The following CHERP variants were observed in gnomAD, a reference collection of about 807,000 sequenced individuals.
The protein encoded by CHERP is calcium homeostasis endoplasmic reticulum protein.
Under a neutral mutation model 113.8 loss-of-function variants are expected in CHERP, and 8 were observed. That is an observed-to-expected ratio of 0.07 (90% CI 0.04 to 0.13). CHERP has a LOEUF of 0.13. CHERP is among the 10% of genes least tolerant of loss of function. The pLI is 1.00. For missense variants in CHERP, 884 were observed against 1,298.2 expected (o/e 0.68, Z 4.90); for synonymous variants, 559 against 524.5 (o/e 1.07, Z -0.90).
chr19:16,525,607 T>C lies in CHERP; in HGVS notation c.1376A>G (p.His459Arg). 1 of 1,535,414 alleles carries C rather than the reference T, an allele frequency of 6.5e-7. No individual in the cohort carries two copies. The highest frequency in any genetic ancestry group is 8.7e-7 in the Non-Finnish European group (1 of 1,143,576). The change falls in exon 10 of 17, where the codon CAT (histidine) becomes CGT (arginine). Residue 459 changes from histidine to arginine, a missense_variant. Physicochemically the swap from His to Arg is conservative, Grantham distance 29. Transcript: ENST00000546361. The surrounding 1 kb of genome is among the most constrained non-coding windows in gnomAD (Gnocchi z 6.5). Reference protein sequence around the residue: ...PPHCPPWNNSHEGMWGEQRGD... With the variant: ...PPHCPPWNNSREGMWGEQRGD... ...GCGCTGCTCGCCCCACATGCCCTCA[T>C]GGCTGTTGTTCCAGGGGGGGCAGTG... is the stretch of plus-strand genomic sequence containing the variant.
Position 16,520,366 on chromosome 19 carries a change from A to G in CHERP, c.2343T>C (p.Ser781=), listed in dbSNP as rs2085599706. Residue 781 remains serine (S), a splice_region_variant and synonymous_variant, in exon 14 of 17, where the codon TCT becomes TCC. Coordinates refer to ENST00000546361, the MANE Select transcript of CHERP (RefSeq NM_006387.6). This position sits in a 1 kb window ranked among gnomAD's most constrained non-coding sequence, Gnocchi z 4.0. The part of the protein sequence containing the change: ...SCSRSYSRSR[S]RSRSRSRSSR... ...GCCCTGAGGCAGCCTCTGCCTACCTAGATCTGGAGCGGGAGTAGGAACGGG... is the reference window on the plus strand; with the variant it reads ...GCCCTGAGGCAGCCTCTGCCTACCTGGATCTGGAGCGGGAGTAGGAACGGG... 2 of 1,612,276 alleles carry G rather than the reference A, an allele frequency of 1.2e-6. No homozygotes were observed. The highest frequency in any genetic ancestry group is 1.7e-6 in the Non-Finnish European group (2 of 1,178,780).
In CHERP at chr19:16,525,959, G is replaced by A. The variant is rs1309016814; in HGVS notation, c.1306-282C>T. ...GGCGCGCTGCACCCGCACACAGGCC[G>A]CCCGCGCCACAAGGTGCTCCCCGCT... On this transcript the variant is annotated intron_variant, in intron 9 of 16. Coordinates refer to ENST00000546361, the MANE Select transcript of CHERP (RefSeq NM_006387.6). This position sits in a 1 kb window ranked among gnomAD's most constrained non-coding sequence, Gnocchi z 6.5. 6.6e-6 allele frequency among the ~76,000 whole-genome samples: 1 copy of A among 152,206 alleles called. No individual in the cohort carries two copies. The highest frequency in any genetic ancestry group is 2.4e-5 in the African/African-American group (1 of 41,456).
Position 16,532,706 on chromosome 19 carries a change from T to C in CHERP, c.566A>G (p.His189Arg), listed in dbSNP as rs746801493. 2.5e-6 allele frequency: 4 copies of C among 1,613,402 alleles called. No individual in the cohort carries two copies. The highest frequency in any genetic ancestry group is 4.5e-5 in the East Asian group (2 of 44,842). Residue 189 changes from histidine to arginine, a missense_variant, in exon 5 of 17, where the codon CAC becomes CGC. His to Arg is a conservative substitution (Grantham distance 29, BLOSUM62 0). Coordinates refer to ENST00000546361, the MANE Select transcript of CHERP (RefSeq NM_006387.6). This position sits in a 1 kb window ranked among gnomAD's most constrained non-coding sequence, Gnocchi z 4.4. Reference sequence around the variant, plus strand: ...GAGGTGGCCGGCCATCAGCTCACAGTGCGGCGGGGACTTGGCATTGCTGAA... The same window carrying C: ...GAGGTGGCCGGCCATCAGCTCACAGCGCGGCGGGGACTTGGCATTGCTGAA... Reference protein sequence around the residue: ...WMFSNAKSPPHCELMAGHLRN... With the variant: ...WMFSNAKSPPRCELMAGHLRN...
chr19:16,532,394 G>A lies in CHERP; in HGVS notation c.674+204C>T. On this transcript the variant is annotated intron_variant, in intron 5 of 16. Transcript: ENST00000546361. This position sits in a 1 kb window ranked among gnomAD's most constrained non-coding sequence, Gnocchi z 4.4. ...GGGAGAGGACAGGGCATGCAGCGAA[G>A]GTGCACAGGACACCTAGACCTCGCA... is the stretch of plus-strand genomic sequence containing the variant. The A allele has an allele frequency of 3.3e-6, 2 of 600,810 alleles. No homozygotes were observed. The allele number at this position is 600,810 out of a possible 1,614,324, so 37.2% of individuals were successfully genotyped here.
In CHERP at chr19:16,537,655, C is replaced by T. The variant is rs182901797; in HGVS notation, c.200-2019G>A. On this transcript the variant is annotated intron_variant, in intron 2 of 16. Transcript: ENST00000546361. The stretch of plus-strand genomic sequence containing the variant: ...AGCCACATAGTGTCAAGGCGGCCTC[C>T]GAGACATCACTCCAATCAGTCTATG... 3.9e-3 allele frequency among the ~76,000 whole-genome samples: 590 copies of T among 152,220 alleles called. 1 individual carries two copies. Among genetic ancestry groups the T allele is most frequent in the Middle Eastern group, 0.017 (5 of 294 alleles).
Position 16,532,915 on chromosome 19 carries a change from C to G in CHERP, c.522+96G>C, listed in dbSNP as rs762559663. The G allele has an allele frequency of 4.5e-5, 68 of 1,513,442 alleles. No individual in the cohort carries two copies. The highest frequency in any genetic ancestry group is 3.7e-4 in the Admixed American group (18 of 48,808). 93.8% of individuals were successfully genotyped at this position (1,513,442 alleles called of 1,614,324 possible). A position where few individuals can be genotyped will look rare whatever the true frequency, so the allele number is the denominator to read the frequency against. On this transcript the variant is annotated intron_variant, in intron 4 of 16. Coordinates refer to ENST00000546361, the MANE Select transcript of CHERP (RefSeq NM_006387.6). The surrounding 1 kb of genome is among the most constrained non-coding windows in gnomAD (Gnocchi z 4.4). ...GCTCCAGGCGGGAGGGAAGGGCACC[C>G]ATTGTAACAGCCCTTAGCCCAGATT...
At chr19:16,526,798 C>CT (rs1284110681) in intron 9 of CHERP, among the ~76,000 whole-genome samples, 1 of 152,186 alleles carries the variant, frequency 6.6e-6, no homozygotes, top group Non-Finnish European at 1.5e-5. Flanking sequence ...AGGTCTCACT[C>CT]TGTCACCCAG....
chr19:16,525,747 CGGCAGCATCACAGCGCTG>C lies in CHERP; in HGVS notation c.1306-88_1306-71del. Reference sequence around the variant, plus strand: ...TAGTGCTCGGCAGCATCACAGCGCTCGGCAGCATCACAGCGCTGGCTCAGACCATGGAGGCGCTGCCCT... The same window carrying C: ...TAGTGCTCGGCAGCATCACAGCGCTCGCTCAGACCATGGAGGCGCTGCCCT... On this transcript the variant is annotated intron_variant, in intron 9 of 16. Transcript: ENST00000546361. The surrounding 1 kb of genome is among the most constrained non-coding windows in gnomAD (Gnocchi z 6.5). 7.4e-7 allele frequency: 1 copy of C among 1,348,112 alleles called. No homozygotes were observed. Among genetic ancestry groups the C allele is most frequent in the Non-Finnish European group, 9.8e-7 (1 of 1,024,814 alleles). The allele number at this position is 1,348,112 out of a possible 1,614,324, so 83.5% of individuals were successfully genotyped here.
intron 11 of CHERP, 73 bp from the exon 12 acceptor site, chr19:16,521,727 G>A (rs2085617356): frequency 4.2e-6 from 6 of 1,429,818 alleles, no homozygotes; most frequent in Non-Finnish European, 5.6e-6. Flanking sequence ...TCTGCAAGGA[G>A]TGGGGTCAGG....
rs772446499 is a variant in CHERP at position 16,532,978 on chromosome 19, A to G, written c.522+33T>C. 1.9e-6 allele frequency: 3 copies of G among 1,557,356 alleles called. No homozygotes were observed. In the South Asian group the frequency reaches 3.5e-5, roughly 18 times the overall value. On this transcript the variant is annotated intron_variant, in intron 4 of 16. Transcript: ENST00000546361. The surrounding 1 kb of genome is among the most constrained non-coding windows in gnomAD (Gnocchi z 4.4). Reference sequence around the variant, plus strand: ...CCCTGCCTCAGGGAGGGACCAAGGGAAAGCTGGGCTCTGGGAAGTGCTGGC... The same window carrying G: ...CCCTGCCTCAGGGAGGGACCAAGGGGAAGCTGGGCTCTGGGAAGTGCTGGC...
Position 16,525,782 on chromosome 19 carries a change from CGCT to C in CHERP, c.1306-108_1306-106del. 1 of 1,143,664 alleles carries C rather than the reference CGCT, an allele frequency of 8.7e-7. No individual in the cohort carries two copies. The highest frequency in any genetic ancestry group is 1.2e-6 in the Non-Finnish European group (1 of 851,778). 70.8% of individuals were successfully genotyped at this position (1,143,664 alleles called of 1,614,324 possible). A position where few individuals can be genotyped will look rare whatever the true frequency, so the allele number is the denominator to read the frequency against. On this transcript the variant is annotated intron_variant, in intron 9 of 16. Transcript: ENST00000546361. This position sits in a 1 kb window ranked among gnomAD's most constrained non-coding sequence, Gnocchi z 6.5. ...ACAGCGCTGGCTCAGACCATGGAGG[CGCT>C]GCCCTGGCCACGTTGAGGCGCCTCC... is the stretch of plus-strand genomic sequence containing the variant.
rs2085600350 is a variant in CHERP, at chr19:16,520,403, G to A, written c.2306C>T (p.Ser769Leu). ...GGAGTAGGAACGGGAGCAGGAGCGC[G>A]ACCTTGACCTTGAGTACGAGCCTGA... ...KSSGSYSRSR[S>L]RSCSRSYSRS... The change falls in exon 14 of 17, where the codon TCG becomes TTG. Residue 769 changes from serine to leucine, a missense_variant. By Grantham distance (145) the Ser-to-Leu change is moderately radical. Transcript: ENST00000546361. The surrounding 1 kb of genome is among the most constrained non-coding windows in gnomAD (Gnocchi z 4.0). The A allele has an allele frequency of 6.2e-7, 1 of 1,614,008 alleles. No homozygotes were observed. Among genetic ancestry groups the A allele is most frequent in the Non-Finnish European group, 8.5e-7 (1 of 1,180,032 alleles).
chr19:16,520,653 T>A lies in CHERP; in HGVS notation c.2202-146A>T. On this transcript the variant is annotated intron_variant, in intron 13 of 16. Transcript: ENST00000546361. This position sits in a 1 kb window ranked among gnomAD's most constrained non-coding sequence, Gnocchi z 4.0. Reference sequence around the variant, plus strand: ...AGCCACAGCAACGGTACCAAGTTCCTAAATAGTGTGGCCGAGCCTGCTGCT... The same window carrying A: ...AGCCACAGCAACGGTACCAAGTTCCAAAATAGTGTGGCCGAGCCTGCTGCT... 8.5e-7 allele frequency: 1 copy of A among 1,176,726 alleles called. No homozygotes were observed. The highest frequency in any genetic ancestry group is 1.4e-5 in the South Asian group (1 of 72,918). 72.9% of individuals were successfully genotyped at this position (1,176,726 alleles called of 1,614,324 possible).
In CHERP at chr19:16,523,258, G is replaced by A. The variant is rs775106668; in HGVS notation, c.1774C>T (p.Arg592Cys). 7 of 1,602,632 alleles carry A rather than the reference G, an allele frequency of 4.4e-6. No homozygotes were observed. The highest frequency in any genetic ancestry group is 1.7e-5 in the Admixed American group (1 of 57,866). The change falls in exon 11 of 17, where the codon CGC (arginine) becomes TGC (cysteine). Residue 592 changes from arginine (R) to cysteine (C), a missense_variant. Around this residue, in one of 8 missense-constraint regions of CHERP, gnomAD observed 464 missense variants for 590.1 expected, o/e 0.79. Coordinates refer to ENST00000546361, the MANE Select transcript of CHERP (RefSeq NM_006387.6). The surrounding 1 kb of genome is among the most constrained non-coding windows in gnomAD (Gnocchi z 4.0). The stretch of plus-strand genomic sequence containing the variant: ...TCGTTGATGCCAGGATGAGGCATGC[G>A]GTGGCCAGGGTGGTGGTGAGGGGGC... ...MGPPHHHPGH[R>C]MPHPGINEHP...
At position 16,535,452 on chromosome 19, in the gene CHERP, C is replaced by G; in HGVS notation, c.384G>C (p.Gln128His). The G allele has an allele frequency of 6.2e-7, 1 of 1,607,638 alleles. No homozygotes were observed. Among genetic ancestry groups the G allele is most frequent in the Non-Finnish European group, 8.5e-7 (1 of 1,177,270 alleles). ...QQEQHLLALR[Q>H]EQVTAAVAHA... ...GGCCGAGGAGGCGGCGGGCCCATAC[C>G]TGTCTGAGCGCCAGCAAGTGCTGCT... The change falls in exon 3 of 17, where the codon CAG (glutamine) becomes CAC (histidine). Residue 128 changes from glutamine (Q) to histidine (H), a missense_variant and splice_region_variant. Around this residue, in one of 8 missense-constraint regions of CHERP, gnomAD observed 109 missense variants for 134.2 expected, o/e 0.81. Coordinates refer to ENST00000546361, the MANE Select transcript of CHERP (RefSeq NM_006387.6). This position sits in a 1 kb window ranked among gnomAD's most constrained non-coding sequence, Gnocchi z 4.3.
rs2085584619 is a variant in CHERP, at chr19:16,519,375, A to G, written c.2558-23T>C. 2 of 1,606,210 alleles carry G rather than the reference A, an allele frequency of 1.2e-6. No homozygotes were observed. Among genetic ancestry groups the G allele is most frequent in the East Asian group, 2.2e-5 (1 of 44,832 alleles). On this transcript the variant is annotated intron_variant, in intron 16 of 16. Coordinates refer to ENST00000546361, the MANE Select transcript of CHERP (RefSeq NM_006387.6). The surrounding 1 kb of genome is among the most constrained non-coding windows in gnomAD (Gnocchi z 6.0). ...AGCCTGGAAACAGAGACGCAGTCAC[A>G]ACCACAACAAGGCGGAGGCAGATGG...
chr19:16,539,587 A>C (rs572336870), intron 2 of CHERP: 1 of 152,328 alleles, frequency 6.6e-6, no homozygotes, highest in Non-Finnish European at 1.5e-5. Flanking sequence ...CTAAATAGGC[A>C]TCAGAAAAAC....
At position 16,518,851 on chromosome 19, in the gene CHERP, C is replaced by T. The variant is rs916509716; in HGVS notation, c.*308G>A. On this transcript the variant is annotated 3_prime_UTR_variant, in exon 17 of 17. Coordinates refer to ENST00000546361, the MANE Select transcript of CHERP (RefSeq NM_006387.6). ...TAGGGCAGATGCACATCCATCCCTT[C>T]GTGGCTGAAGAATTTACTCGGGCGG... 2.4e-5 allele frequency: 9 copies of T among 379,384 alleles called. No individual in the cohort carries two copies. The highest frequency in any genetic ancestry group is 1.3e-4 in the East Asian group (2 of 15,038). The allele number at this position is 379,384 out of a possible 1,614,324, so 23.5% of individuals were successfully genotyped here. A position where few individuals can be genotyped will look rare whatever the true frequency, so the allele number is the denominator to read the frequency against.
At chr19:16,529,949 GC>G in intron 7 of CHERP, 49 bp from the exon 8 acceptor site, 1 of 1,567,946 alleles carries the variant, frequency 6.4e-7, no homozygotes, top group South Asian at 1.1e-5. Context: ...CTTGGGGCTC[GC>G]TGCCTGGCGC....
Sources: gnomAD v4.1 joint callset for allele counts (sites outside exome capture counted in the v4.1 genomes callset) on GRCh38, gnomAD v4.1.1 for gene constraint, gnomAD v4.1.1 regional missense constraint, Gnocchi (gnomAD v3.1) non-coding constraint, MANE v1.5 for transcripts, NCBI Gene and HGNC (gene_info 2026-07-23, HGNC 2026-07-21) for gene names.